Variants in PPP4R1 observed in about 807,000 individuals in gnomAD.
PPP4R1 encodes protein phosphatase 4 regulatory subunit 1, also known as serine/threonine-protein phosphatase 4 regulatory subunit 1.
A neutral mutation model predicts 111.2 loss-of-function variants in PPP4R1; 42 were observed. That is an observed-to-expected ratio of 0.38 (90% confidence interval 0.29 to 0.49). PPP4R1 has a LOEUF of 0.49. Ranked by LOEUF, PPP4R1 falls within the 20% of genes least tolerant of loss-of-function variation. The pLI is 0.97. For missense variants in PPP4R1, 1,012 were observed against 1,161.6 expected, an observed-to-expected ratio of 0.87 and a Z score of 1.87; for synonymous variants, 409 against 405.5, an observed-to-expected ratio of 1.01 and a Z score of -0.10.
intron 15 of PPP4R1, among the ~76,000 whole-genome samples, chr18:9,555,391 C>G (rs950721634): frequency 6.6e-6 from 1 of 152,038 alleles, no homozygotes; most frequent in Non-Finnish European, 1.5e-5. Flanking sequence ...TTAACTGATT[C>G]AGGTAAGAAC....
At chr18:9,548,637 T>C (rs1198213028) in intron 19 of PPP4R1, among the ~76,000 whole-genome samples, 1 of 152,090 alleles carries the variant, frequency 6.6e-6, no homozygotes, top group Non-Finnish European at 1.5e-5. Flanking sequence ...AAGTTTTAGG[T>C]CAGGCACGGT....
At chr18:9,586,151 G>C (rs766101071) in intron 6 of PPP4R1, among the ~76,000 whole-genome samples, 1 of 151,378 alleles carries the variant, frequency 6.6e-6, no homozygotes, top group Non-Finnish European at 1.5e-5. Flanking sequence ...TTTTTATTAA[G>C]AAATAATTAT....
chr18:9,608,516 T>A (rs1248466692), intron 2 of PPP4R1, among the ~76,000 whole-genome samples: 1 of 152,080 alleles, frequency 6.6e-6, no homozygotes, highest in Admixed American at 6.5e-5. Context: ...AGTTAAGAAA[T>A]GAATGTGGAG....
chr18:9,614,333 C>G lies in PPP4R1; in HGVS notation c.8-63G>C, dbSNP rs1460194496. ...CCCGGGGCCCGGCGCGACGCCCCCC[C>G]CCCGCCCGCCTCCCCCCCGCCCCGG... On this transcript the variant is annotated intron_variant, in intron 1 of 19. Coordinates refer to ENST00000400556, the MANE Select transcript of PPP4R1 (RefSeq NM_001042388.3). The surrounding 1 kb of genome is among the most constrained non-coding windows in gnomAD (Gnocchi z 4.1). The G allele has an allele frequency of 1.8e-4, 195 of 1,056,162 alleles. 5 individuals carry two copies. Among genetic ancestry groups the G allele is most frequent in the Middle Eastern group, 1.3e-3 (3 of 2,392 alleles). 65.4% of individuals were successfully genotyped at this position (1,056,162 alleles called of 1,614,324 possible).
chr18:9,563,425 T>C lies in PPP4R1; in HGVS notation c.1699A>G (p.Lys567Glu), dbSNP rs1344465157. 6.2e-7 allele frequency: 1 copy of C among 1,612,936 alleles called. No individual in the cohort carries two copies. The highest frequency in any genetic ancestry group is 8.5e-7 in the Non-Finnish European group (1 of 1,179,364). Residue 567 changes from lysine (K) to glutamate (E), a missense_variant, in exon 12 of 20, where the codon AAA (lysine) becomes GAA (glutamate). Lys to Glu is a moderately conservative substitution (Grantham distance 56). Around this residue, in one of 2 missense-constraint regions of PPP4R1, gnomAD observed 707 missense variants for 742.1 expected, o/e 0.95. Transcript: ENST00000400556. Reference protein sequence around the residue: ...ELDINELPNCKINQEDSVPLI... With the variant: ...ELDINELPNCEINQEDSVPLI... ...GGCACAGAATCTTCTTGATTTATTT[T>C]ACAATTTGGTAGCTCATTTATATCC...
At chr18:9,611,902 T>G (rs560830783) in intron 2 of PPP4R1, among the ~76,000 whole-genome samples, 1 of 152,180 alleles carries the variant, frequency 6.6e-6, no homozygotes, top group East Asian at 1.9e-4. Context: ...TCCCAGTTAC[T>G]TGGGAGGCTG....
chr18:9,553,684 C>T (rs1029281286), intron 15 of PPP4R1, among the ~76,000 whole-genome samples: 16 of 152,324 alleles, frequency 1.1e-4, no homozygotes, highest in South Asian at 2.1e-4. Flanking sequence ...CACAGTACCC[C>T]GGGCACAGCC....
Position 9,588,796 on chromosome 18 carries a change from T to C in PPP4R1, c.353A>G (p.Gln118Arg). The C allele has an allele frequency of 6.2e-7, 1 of 1,614,172 alleles. No individual in the cohort carries two copies. The highest frequency in any genetic ancestry group is 8.5e-7 in the Non-Finnish European group (1 of 1,180,014). Residue 118 changes from glutamine (Q) to arginine (R), a missense_variant, in exon 5 of 20, where the codon CAA becomes CGA. Gln to Arg is a conservative substitution (Grantham distance 43). This residue lies in a region of PPP4R1 where 707 missense variants were observed against 742.1 expected (regional missense o/e 0.95). Coordinates refer to ENST00000400556, the MANE Select transcript of PPP4R1 (RefSeq NM_001042388.3). ...ATATGGTATTGAAGGCCGGTTTTCT[T>C]GACAAAACAGTGCGATGTGAGGCAC... ...EQVPHIALFCQENRPSIPYAF... is the reference protein window; with the variant it reads ...EQVPHIALFCRENRPSIPYAF...
In PPP4R1 at chr18:9,557,371, T is replaced by A. The variant is rs906553630; in HGVS notation, c.2040A>T (p.Arg680=). The part of the protein sequence containing the change: ...TLASDMQWKV[R]RTLAFSIHEL... ...CGTGGATGGAGAATGCTAGAGTTCG[T>A]CGAACTTTCCACTGCAGAAATGAAA... The change falls in exon 15 of 20, where the codon CGA becomes CGT. Residue 680 remains arginine (R), a synonymous_variant. Coordinates refer to ENST00000400556, the MANE Select transcript of PPP4R1 (RefSeq NM_001042388.3). 6.2e-7 allele frequency: 1 copy of A among 1,601,324 alleles called. No homozygotes were observed. Among genetic ancestry groups the A allele is most frequent in the African/African-American group, 1.4e-5 (1 of 74,034 alleles).
intron 9 of PPP4R1, among the ~76,000 whole-genome samples, chr18:9,580,292 A>G (rs1476670682): frequency 1.3e-5 from 2 of 152,130 alleles, no homozygotes; most frequent in East Asian, 1.9e-4. Flanking sequence ...AATTGAAGGG[A>G]TAACAATTAA....
chr18:9,595,219 G>A, intron 2 of PPP4R1, 66 bp from the exon 3 acceptor site: 1 of 1,497,478 alleles, frequency 6.7e-7, no homozygotes, highest in Non-Finnish European at 9.1e-7. Context: ...TTGCCTGTCT[G>A]AAGCAGTACA....
chr18:9,586,884 C>A (rs1278800723), intron 6 of PPP4R1, among the ~76,000 whole-genome samples: 1 of 152,160 alleles, frequency 6.6e-6, no homozygotes, highest in East Asian at 1.9e-4. Flanking sequence ...CATGCCCTAT[C>A]ATGGCCTTCA....
At chr18:9,608,031 G>T (rs893521851) in intron 2 of PPP4R1, among the ~76,000 whole-genome samples, 1 of 143,882 alleles carries the variant, frequency 7.0e-6, no homozygotes, top group Non-Finnish European at 1.5e-5. Context: ...TGATCCACCC[G>T]CCTCGTTCTC....
chr18:9,563,652 C>T, intron 11 of PPP4R1, 102 bp from the exon 12 acceptor site: 1 of 1,101,006 alleles, frequency 9.1e-7, no homozygotes, highest in Non-Finnish European at 1.2e-6. Flanking sequence ...GAAATATATA[C>T]TTTTTTGACA....
At chr18:9,588,426 G>C (rs1439367121) in intron 5 of PPP4R1, among the ~76,000 whole-genome samples, 191 bp from the exon 6 acceptor site, 1 of 152,214 alleles carries the variant, frequency 6.6e-6, no homozygotes, top group Non-Finnish European at 1.5e-5. Flanking sequence ...TGCTGTAACA[G>C]AGGAAGTGGA....
intron 2 of PPP4R1, among the ~76,000 whole-genome samples, chr18:9,613,006 A>C (rs77189767): frequency 0.01 from 1,580 of 152,366 alleles, 27 homozygotes; most frequent in African/African-American, 0.035. Flanking sequence ...GAGTAAGGGA[A>C]CCACATTAGA....
At chr18:9,554,274 CAT>C in intron 15 of PPP4R1, among the ~76,000 whole-genome samples, 1 of 151,976 alleles carries the variant, frequency 6.6e-6, no homozygotes, top group Middle Eastern at 3.4e-3. Flanking sequence ...ACTACAGGCG[CAT>C]GCCACCACGC....
Position 9,559,548 on chromosome 18 carries a change from A to C in PPP4R1, c.1899T>G (p.Arg633=). The C allele has an allele frequency of 1.9e-6, 3 of 1,613,598 alleles. No homozygotes were observed. Among genetic ancestry groups the C allele is most frequent in the Non-Finnish European group, 2.5e-6 (3 of 1,179,644 alleles). The change falls in exon 14 of 20, where the codon CGT becomes CGG. Residue 633 remains arginine (R), a synonymous_variant. Coordinates refer to ENST00000400556, the MANE Select transcript of PPP4R1 (RefSeq NM_001042388.3). ...CAATTTCAGTGTCAACCGTCTGTGCACGAGAAGGGTCAGTCATAGATAAAT... is the reference window on the plus strand; with the variant it reads ...CAATTTCAGTGTCAACCGTCTGTGCCCGAGAAGGGTCAGTCATAGATAAAT... ...DQYLSMTDPS[R]AQTVDTEIAK... is the part of the protein sequence containing the mutation.
chr18:9,569,259 G>A, intron 11 of PPP4R1, among the ~76,000 whole-genome samples: 1 of 151,678 alleles, frequency 6.6e-6, no homozygotes, highest in Middle Eastern at 3.2e-3. Context: ...AACTTAAGTT[G>A]GTAAATAATA....
Sources: allele counts gnomAD v4.1 joint callset (sites outside exome capture counted in the v4.1 genomes callset), GRCh38; gene constraint gnomAD v4.1.1; regional missense constraint gnomAD v4.1.1; non-coding constraint Gnocchi (gnomAD v3.1); transcripts MANE v1.5; gene names NCBI Gene and HGNC (gene_info 2026-07-23, HGNC 2026-07-21).